The following DPH1 variants were observed in gnomAD, a reference collection of about 807,000 sequenced individuals.
DPH1 encodes the protein diphthamide biosynthesis 1, also known as 2-(3-amino-3-carboxypropyl)histidine synthase subunit 1.
Under a neutral mutation model 55.3 loss-of-function variants are expected in DPH1, and 59 were observed. The ratio of observed to expected loss-of-function variants is 1.07; its 90% confidence interval spans 0.87 to 1.33. The LOEUF (loss-of-function observed/expected upper bound fraction) is 1.33. Among genes scored for constraint, DPH1 ranks in the 40% most tolerant of loss-of-function variants. The pLI is 0.00. For synonymous variants in DPH1, 238 were observed against 235.5 expected (o/e 1.01, Z -0.10); for missense variants, 628 against 584.8 (o/e 1.07, Z -0.76).
rs897681123 is a variant in DPH1 at position 2,041,527 on chromosome 17, T to C, written c.1133T>C (p.Met378Thr). 1.2e-6 allele frequency: 2 copies of C among 1,612,738 alleles called. No individual in the cohort carries two copies. The highest frequency in any genetic ancestry group is 1.7e-6 in the Non-Finnish European group (2 of 1,179,656). The change falls in exon 11 of 13, where the codon ATG becomes ACG. Residue 378 changes from methionine (M) to threonine (T), a missense_variant. Transcript: ENST00000263083. Reference sequence around the variant, plus strand: ...ATTTCCTGGCAGCAGCCCTACCCGATGGACTTCTACGCTGGCAGCTCCTTG... The same window carrying C: ...ATTTCCTGGCAGCAGCCCTACCCGACGGACTTCTACGCTGGCAGCTCCTTG... Reference protein sequence around the residue: ...RDISWQQPYPMDFYAGSSLGP... With the variant: ...RDISWQQPYPTDFYAGSSLGP...
chr17:2,038,839 C>T (rs1237528659), intron 6 of DPH1: 1 of 152,198 alleles, frequency 6.6e-6, no homozygotes, highest in Non-Finnish European at 1.5e-5. Context: ...TCTCTAGAAC[C>T]CCAGGTGGCC....
chr17:2,042,040 C>T (rs1466411754), intron 12 of DPH1, 165 bp downstream of exon 12: 7 of 1,513,748 alleles, frequency 4.6e-6, no homozygotes, highest in Non-Finnish European at 5.3e-6. Flanking sequence ...CGCTCCTTGC[C>T]GGGCATAATG....
intron 6 of DPH1, 80 bp from the exon 7 acceptor site, chr17:2,039,675 C>T: frequency 1.3e-6 from 2 of 1,586,654 alleles, no homozygotes; most frequent in South Asian, 2.2e-5. Flanking sequence ...CCGCGCCCGG[C>T]CAGCCCTGTG....
At chr17:2,039,142 G>C (rs554234851) in intron 6 of DPH1, 1 of 149,358 alleles carries the variant, frequency 6.7e-6, no homozygotes, top group Non-Finnish European at 1.5e-5. Flanking sequence ...GCTCACTGCA[G>C]CCTCTGCCTC....
chr17:2,037,598 C>G (rs1006515471), intron 6 of DPH1, among the ~76,000 whole-genome samples: 1 of 152,228 alleles, frequency 6.6e-6, no homozygotes, highest in Admixed American at 6.5e-5. Flanking sequence ...TGGCATTCCC[C>G]CTGTGCCCAC....
rs762901546 is a variant in DPH1, at chr17:2,041,122, C to T, written c.1027C>T (p.Pro343Ser). 6.2e-7 allele frequency: 1 copy of T among 1,603,926 alleles called. No homozygotes were observed. The highest frequency in any genetic ancestry group is 1.1e-5 in the South Asian group (1 of 89,204). Residue 343 changes from proline (P) to serine (S), a missense_variant, in exon 10 of 13, where the codon CCA becomes TCA. Physicochemically the swap from Pro to Ser is moderately conservative, Grantham distance 74 (BLOSUM62 -1). Transcript: ENST00000263083. ...TCCCAGGTGGGTGCAGGTGGCATGT[C>T]CACGTCTCTCCATTGACTGGGGCAC... The part of the protein sequence containing the change: ...EVDVWVQVAC[P>S]RLSIDWGTAF...
rs1324726736 is a variant in DPH1 at position 2,036,421 on chromosome 17, AC to A, written c.401-103del. 7.1e-7 allele frequency: 1 copy of A among 1,407,192 alleles called. No individual in the cohort carries two copies. The highest frequency in any genetic ancestry group is 1.9e-5 in the Admixed American group (1 of 52,182). The allele number at this position is 1,407,192 out of a possible 1,614,324, so 87.2% of individuals were successfully genotyped here. A position where few individuals can be genotyped will look rare whatever the true frequency, so the allele number is the denominator to read the frequency against. ...CCCTCTTCTCCTACCCTGTCCTTTT[AC>A]CCCCAGGCTGAAGCCACTGCGCCTG... On this transcript the variant is annotated intron_variant, in intron 4 of 12. Transcript: ENST00000263083. The surrounding 1 kb of genome is among the most constrained non-coding windows in gnomAD (Gnocchi z 4.8).
At chr17:2,035,413 TAGTGGGGGTC>T in intron 3 of DPH1, among the ~76,000 whole-genome samples, 1 of 54,400 alleles carries the variant, frequency 1.8e-5, no homozygotes, top group South Asian at 5.1e-4. Flanking sequence ...GGTGGGGAGG[TAGTGGGGGTC>T]CGGACGAGAG....
chr17:2,035,372 C>T (rs1310752830), intron 3 of DPH1, among the ~76,000 whole-genome samples: 1 of 71,422 alleles, frequency 1.4e-5, no homozygotes, highest in African/African-American at 4.4e-5. Flanking sequence ...GCCTGGGTCC[C>T]CCCATCCTGG....
At chr17:2,032,888 G>T in intron 1 of DPH1, among the ~76,000 whole-genome samples, 1 of 152,116 alleles carries the variant, frequency 6.6e-6, no homozygotes, top group South Asian at 2.1e-4. Flanking sequence ...CCTGCCACCA[G>T]GCCCGGCTAA....
At chr17:2,034,240 T>C (rs1453343571) in intron 3 of DPH1, among the ~76,000 whole-genome samples, 2 of 152,064 alleles carry the variant, frequency 1.3e-5, no homozygotes, top group Non-Finnish European at 2.9e-5. Context: ...CTCGGGCACA[T>C]TTGGGGAAGT....
intron 12 of DPH1, 160 bp downstream of exon 12, chr17:2,042,035 C>A: frequency 6.6e-7 from 1 of 1,509,192 alleles, no homozygotes; most frequent in Non-Finnish European, 8.8e-7. Flanking sequence ...TCCGTCGCTC[C>A]TTGCCGGGCA....
Position 2,043,226 on chromosome 17 carries a change from A to G in DPH1, c.*640A>G. 1.6e-6 allele frequency: 2 copies of G among 1,236,896 alleles called. No homozygotes were observed. Among genetic ancestry groups the G allele is most frequent in the Non-Finnish European group, 2.2e-6 (2 of 894,208 alleles). 76.6% of individuals were successfully genotyped at this position (1,236,896 alleles called of 1,614,324 possible). A position where few individuals can be genotyped will look rare whatever the true frequency, so the allele number is the denominator to read the frequency against. On this transcript the variant is annotated 3_prime_UTR_variant, in exon 13 of 13. Coordinates refer to ENST00000263083, the MANE Select transcript of DPH1 (RefSeq NM_001383.6). ...GCGCCTCACCAGAACCAGTTAAGAG[A>G]CAACTATCAATTCTTGAGACCCAAA... is the stretch of plus-strand genomic sequence containing the variant.
Position 2,043,035 on chromosome 17 carries a change from CCA to C in DPH1, c.*451_*452del. The C allele has an allele frequency of 6.2e-7, 1 of 1,614,060 alleles. No individual in the cohort carries two copies. The highest frequency in any genetic ancestry group is 8.5e-7 in the Non-Finnish European group (1 of 1,180,014). On this transcript the variant is annotated 3_prime_UTR_variant, in exon 13 of 13. Transcript: ENST00000263083. The stretch of plus-strand genomic sequence containing the variant: ...CCATCACCCTCACCCACTCTGGTGG[CCA>C]CTTCATTCCAGCAGCTGCACCCCAG...
intron 3 of DPH1, among the ~76,000 whole-genome samples, chr17:2,035,591 A>G (rs1032439696): frequency 1.2e-4 from 18 of 144,686 alleles, no homozygotes; most frequent in South Asian, 4.3e-4. Context: ...TGCCCACCAC[A>G]GCACTCAGCG....
At chr17:2,037,944 T>C (rs1290654696) in intron 6 of DPH1, among the ~76,000 whole-genome samples, 1 of 152,104 alleles carries the variant, frequency 6.6e-6, no homozygotes, top group Non-Finnish European at 1.5e-5. Context: ...GATTAGGAGA[T>C]AGGACTGCGT....
rs1388870306 is a variant in DPH1 at position 2,040,084 on chromosome 17, G to A, written c.750-134G>A. On this transcript the variant is annotated intron_variant, in intron 7 of 12. Coordinates refer to ENST00000263083, the MANE Select transcript of DPH1 (RefSeq NM_001383.6). ...ACAGGTCTTCCTAATGACAGTCCCC[G>A]CTCTTGCCTCTGTTCTTAATTACCT... is the stretch of plus-strand genomic sequence containing the variant. 2.7e-5 allele frequency: 36 copies of A among 1,310,344 alleles called. No individual in the cohort carries two copies. The South Asian group carries it at 3.0e-4, about 11-fold the overall frequency. 81.2% of individuals were successfully genotyped at this position (1,310,344 alleles called of 1,614,324 possible).
At chr17:2,031,565 CAAAAAAAAAA>C (rs56410346) in intron 1 of DPH1, among the ~76,000 whole-genome samples, 1 of 69,660 alleles carries the variant, frequency 1.4e-5, no homozygotes, top group Non-Finnish European at 2.6e-5. Flanking sequence ...GACTCTGTCT[CAAAAAAAAAA>C]AAAAAAAAAA....
rs1202954796 is a variant in DPH1, at chr17:2,041,217, C to T, written c.1086+36C>T. The T allele has an allele frequency of 2.5e-6, 4 of 1,577,324 alleles. No homozygotes were observed. The South Asian group carries it at 3.5e-5, about 14-fold the overall frequency. On this transcript the variant is annotated intron_variant, in intron 10 of 12. Coordinates refer to ENST00000263083, the MANE Select transcript of DPH1 (RefSeq NM_001383.6). ...GCTCTGGGAGAGAGTGGGCTTTGGA[C>T]GTGGTTCTCAAAGGTGAGGTCTGGA...
Sources: allele counts gnomAD v4.1 joint callset (sites outside exome capture counted in the v4.1 genomes callset), GRCh38; gene constraint gnomAD v4.1.1; non-coding constraint Gnocchi (gnomAD v3.1); transcripts MANE v1.5; gene names NCBI Gene and HGNC (gene_info 2026-07-23, HGNC 2026-07-21).